LRRC7: variants seen among roughly 807,000 people sequenced by gnomAD.
LRRC7 encodes leucine-rich repeat-containing protein 7.
Under a neutral mutation model 175.7 loss-of-function variants are expected in LRRC7, and 23 were observed. The ratio of observed to expected loss-of-function variants is 0.13; its 90% CI spans 0.09 to 0.19. The LOEUF (loss-of-function observed/expected upper bound fraction) is 0.19. LRRC7 is among the 10% of genes least tolerant of loss of function. The probability of loss-of-function intolerance (pLI) is 1.00; values close to 1 mark genes in which losing one functional copy is unlikely to be tolerated. For missense variants in LRRC7, 1,354 were observed against 1,904.7 expected (o/e 0.71, Z 5.38); for synonymous variants, 685 against 680.9 (o/e 1.01, Z -0.09).
intron 7 of LRRC7, among the ~76,000 whole-genome samples, chr1:69,890,046 G>A (rs1212390499): frequency 6.6e-6 from 1 of 152,138 alleles, no homozygotes; most frequent in African/African-American, 2.4e-5. Flanking sequence ...ATGAGGGTTG[G>A]AATCAATTTC....
chr1:69,573,322 C>G (rs1245069), intron 1 of LRRC7, among the ~76,000 whole-genome samples: 19,121 of 152,122 alleles, frequency 0.13, 1,518 homozygotes, highest in Admixed American at 0.18. Flanking sequence ...TAACTTAAAT[C>G]TGTAGATTAT....
chr1:69,787,659 C>T (rs1045295935), intron 3 of LRRC7, among the ~76,000 whole-genome samples: 2 of 152,194 alleles, frequency 1.3e-5, no homozygotes, highest in African/African-American at 4.8e-5. Context: ...GCACATAGCA[C>T]GGGGCCCTGG....
At chr1:69,574,118 G>A (rs545476084) in intron 1 of LRRC7, among the ~76,000 whole-genome samples, 1 of 152,106 alleles carries the variant, frequency 6.6e-6, no homozygotes, top group South Asian at 2.1e-4. Flanking sequence ...GTGGCGGGGT[G>A]GGTCAGATGA....
At chr1:69,856,212 T>G (rs1272833510) in intron 7 of LRRC7, among the ~76,000 whole-genome samples, 3 of 151,452 alleles carry the variant, frequency 2.0e-5, no homozygotes, top group Non-Finnish European at 4.4e-5. Flanking sequence ...TGCAGTTTCT[T>G]AAGAGCAAAC....
chr1:69,642,548 GTCTTT>G (rs1457101318), intron 1 of LRRC7, among the ~76,000 whole-genome samples: 5 of 151,804 alleles, frequency 3.3e-5, no homozygotes, highest in African/African-American at 9.7e-5. Flanking sequence ...TTTCTTTCTC[GTCTTT>G]TCTTTTTCTT....
chr1:69,880,121 A>C (rs186258022), intron 7 of LRRC7, among the ~76,000 whole-genome samples: 1 of 152,294 alleles, frequency 6.6e-6, no homozygotes, highest in African/African-American at 2.4e-5. Context: ...GTAGGGGAGA[A>C]AAAGAGGCAA....
chr1:70,120,297 G>C (rs1171434685), intron 26 of LRRC7, among the ~76,000 whole-genome samples: 8 of 151,834 alleles, frequency 5.3e-5, no homozygotes, highest in Non-Finnish European at 1.2e-4. Context: ...TGTTGTTAAG[G>C]AATGTATTTA....
At chr1:69,752,325 G>A (rs1040086429) in intron 2 of LRRC7, among the ~76,000 whole-genome samples, 2 of 152,144 alleles carry the variant, frequency 1.3e-5, no homozygotes, top group African/African-American at 4.8e-5. Flanking sequence ...GCAAGACTGT[G>A]CCAACTAATG....
Position 69,628,020 on chromosome 1 carries a change from C to T in LRRC7, c.3-50361C>T, listed in dbSNP as rs572283473. On this transcript the variant is annotated intron_variant, in intron 1 of 26. Transcript: ENST00000651989. ...CTCTTTTCACTAGGCATTGTCTTCT[C>T]AAAATTGTTTCCTTAATACCATATT... Among the ~76,000 whole-genome samples the T allele has an allele frequency of 6.6e-5, 10 of 152,090 alleles. No individual in the cohort carries two copies. The South Asian group carries it at 2.1e-3, about 32-fold the overall frequency.
chr1:70,048,098 G>A (rs979606069), intron 22 of LRRC7, among the ~76,000 whole-genome samples: 1 of 151,848 alleles, frequency 6.6e-6, no homozygotes, highest in Non-Finnish European at 1.5e-5. Context: ...TGTTTTATTT[G>A]TAATTAAGCT....
At chr1:70,023,478 T>C (rs1657737597) in intron 17 of LRRC7, 104 bp downstream of exon 17, 1 of 1,225,258 alleles carries the variant, frequency 8.2e-7, no homozygotes, top group African/African-American at 1.5e-5. Flanking sequence ...GAAATGTTGA[T>C]CACATAGAAA....
intron 7 of LRRC7, among the ~76,000 whole-genome samples, chr1:69,897,954 C>T (rs1024894410): frequency 1.3e-5 from 2 of 152,130 alleles, no homozygotes; most frequent in Admixed American, 6.5e-5. Context: ...ATGGCTGCTC[C>T]GTGCAGAGTA....
At chr1:69,957,555 G>C (rs935450375) in intron 8 of LRRC7, among the ~76,000 whole-genome samples, 5 of 151,734 alleles carry the variant, frequency 3.3e-5, no homozygotes, top group African/African-American at 1.2e-4. Context: ...TTAGTAGAGA[G>C]TGAATGCTCC....
At chr1:69,607,975 C>G (rs1197459556) in intron 1 of LRRC7, 1 of 152,302 alleles carries the variant, frequency 6.6e-6, no homozygotes, top group South Asian at 2.1e-4. Context: ...GACATATTTC[C>G]TGGTTTTGAG....
chr1:69,808,344 A>G (rs1417490967), intron 4 of LRRC7, among the ~76,000 whole-genome samples: 1 of 151,966 alleles, frequency 6.6e-6, no homozygotes, highest in Non-Finnish European at 1.5e-5. Flanking sequence ...TCAATATTAG[A>G]CAGATGAACA....
chr1:70,038,784 G>T lies in LRRC7; in HGVS notation c.2960G>T (p.Ser987Ile). ...IKSNKFKKSQ[S>I]IDEIDIGTYK... ...TCTAATAAATTCAAAAAGTCACAGA[G>T]TATCGATGAGATTGACATTGGTACA... The change falls in exon 21 of 27, where the codon AGT (serine) becomes ATT (isoleucine). Residue 987 changes from serine (S) to isoleucine (I), a missense_variant. By Grantham distance (142) the Ser-to-Ile change is moderately radical (BLOSUM62 -2). Transcript: ENST00000651989. 1.2e-6 allele frequency: 2 copies of T among 1,613,990 alleles called. No homozygotes were observed. Among genetic ancestry groups the T allele is most frequent in the Non-Finnish European group, 1.7e-6 (2 of 1,179,992 alleles).
rs1380182332 is a variant in LRRC7 at position 70,140,266 on chromosome 1, GAGTGGAATTAGATT to G, written c.*18380_*18393del. 7.2e-5 allele frequency: 11 copies of G among 152,200 alleles called. No individual in the cohort carries two copies. The highest frequency in any genetic ancestry group is 5.9e-4 in the Admixed American group (9 of 15,278). The allele number at this position is 152,200 out of a possible 1,614,324, so 9.4% of individuals were successfully genotyped here. Reference sequence around the variant, plus strand: ...TGGGCTGCAAGCTTAACCTCATCAGGAGTGGAATTAGATTTTACAAAGTTCCCCTTATCCAAACT... The same window carrying G: ...TGGGCTGCAAGCTTAACCTCATCAGGTTACAAAGTTCCCCTTATCCAAACT... On this transcript the variant is annotated 3_prime_UTR_variant, in exon 27 of 27. Coordinates refer to ENST00000651989, the MANE Select transcript of LRRC7 (RefSeq NM_001370785.2).
intron 2 of LRRC7, among the ~76,000 whole-genome samples, chr1:69,708,861 T>A (rs1022847306): frequency 6.6e-6 from 1 of 152,190 alleles, no homozygotes; most frequent in Non-Finnish European, 1.5e-5. Flanking sequence ...ACAAGACCTT[T>A]TAAGGGATAA....
At chr1:69,608,899 T>TACACAC (rs1349854926) in intron 1 of LRRC7, among the ~76,000 whole-genome samples, 3 of 123,762 alleles carry the variant, frequency 2.4e-5, no homozygotes, top group African/African-American at 9.4e-5. Flanking sequence ...TATATATATA[T>TACACAC]ACACACACAC....
Sources: gnomAD v4.1 joint callset for allele counts (sites outside exome capture counted in the v4.1 genomes callset) on GRCh38, gnomAD v4.1.1 for gene constraint, MANE v1.5 for transcripts, NCBI Gene and HGNC (gene_info 2026-07-23, HGNC 2026-07-21) for gene names.